The following PCLO variants were observed in gnomAD, a reference collection of about 807,000 sequenced individuals.
PCLO encodes protein piccolo.
Under a neutral mutation model 427.5 loss-of-function variants are expected in PCLO, and 82 were observed. That is an observed-to-expected ratio of 0.19 (90% CI 0.16 to 0.23). PCLO has a LOEUF of 0.23. Among genes scored for constraint, PCLO ranks in the 10% least tolerant of loss-of-function variants. The pLI, the probability that PCLO is intolerant of heterozygous loss-of-function variation, is 1.00. For missense variants in PCLO, 6,239 were observed against 6,115.9 expected, an observed-to-expected ratio of 1.02 and a Z score of -0.67; for synonymous variants, 2,357 against 2,155.4, an observed-to-expected ratio of 1.09 and a Z score of -2.59.
chr7:82,886,424 A>G (rs908075223), intron 9 of PCLO, among the ~76,000 whole-genome samples: 1 of 145,840 alleles, frequency 6.9e-6, no homozygotes, highest in Non-Finnish European at 1.6e-5. Flanking sequence ...TGGTATGCAT[A>G]TCTATATAGA....
intron 3 of PCLO, among the ~76,000 whole-genome samples, chr7:83,070,107 C>T (rs1326029575): frequency 6.6e-6 from 1 of 152,034 alleles, no homozygotes; most frequent in African/African-American, 2.4e-5. Flanking sequence ...CTCTCATGCA[C>T]GTGCTCTCTC....
intron 20 of PCLO, among the ~76,000 whole-genome samples, chr7:82,818,442 G>A (rs1377636655): frequency 1.3e-5 from 2 of 152,100 alleles, no homozygotes; most frequent in African/African-American, 4.8e-5. Context: ...TGCACAGTGG[G>A]AAGGCTTCCT....
chr7:82,763,782 T>C (rs775933921), intron 22 of PCLO, among the ~76,000 whole-genome samples: 6 of 152,068 alleles, frequency 3.9e-5, no homozygotes, highest in Non-Finnish European at 7.4e-5. Context: ...AGTTAAATAA[T>C]AATTCATGAG....
At chr7:83,133,665 A>G (rs755946699) in intron 3 of PCLO, among the ~76,000 whole-genome samples, 3 of 152,064 alleles carry the variant, frequency 2.0e-5, no homozygotes, top group Non-Finnish European at 2.9e-5. Flanking sequence ...ACAGAATTAT[A>G]AAAAGCCTAA....
chr7:83,032,940 T>C (rs1035394253), intron 3 of PCLO, among the ~76,000 whole-genome samples: 3 of 152,228 alleles, frequency 2.0e-5, no homozygotes, highest in African/African-American at 7.2e-5. Flanking sequence ...GGAAGGGACC[T>C]GGGGAGAAGT....
chr7:82,955,542 C>A lies in PCLO; in HGVS notation c.5411G>T (p.Ser1804Ile). The A allele has an allele frequency of 6.2e-7, 1 of 1,613,942 alleles. No homozygotes were observed. The highest frequency in any genetic ancestry group is 8.5e-7 in the Non-Finnish European group (1 of 1,179,858). ...EIEQQQRKSS[S>I]KKSKKDKDEL... is the part of the protein sequence containing the mutation. ...ATCTTTGTCTTTCTTTGATTTTTTA[C>A]TAGAACTCTTTCTTTGTTGCTGTTC... Residue 1804 changes from serine to isoleucine, a missense_variant, in exon 5 of 25, where the codon AGT (serine) becomes ATT (isoleucine). This residue lies in a region of PCLO where 4,677 missense variants were observed against 4,468.4 expected (regional missense o/e 1.05). Coordinates refer to ENST00000333891, the MANE Select transcript of PCLO (RefSeq NM_033026.6).
At chr7:82,794,382 GT>G (rs910386310) in intron 22 of PCLO, among the ~76,000 whole-genome samples, 65 of 134,592 alleles carry the variant, frequency 4.8e-4, no homozygotes, top group African/African-American at 1.6e-3. Flanking sequence ...ATAATTATAA[GT>G]TTTTTTGTTG....
intron 3 of PCLO, among the ~76,000 whole-genome samples, chr7:83,070,982 T>C (rs1029001967): frequency 6.6e-6 from 1 of 152,002 alleles, no homozygotes; most frequent in Admixed American, 6.6e-5. Context: ...ATTGCTGATA[T>C]TTATGTTTTA....
chr7:82,899,733 G>C (rs1239347821), intron 9 of PCLO, among the ~76,000 whole-genome samples: 1 of 151,482 alleles, frequency 6.6e-6, no homozygotes, highest in Non-Finnish European at 1.5e-5. Flanking sequence ...ATTTACTAAA[G>C]AGCTGGCATT....
At chr7:82,945,504 A>C (rs140859777) in intron 6 of PCLO, among the ~76,000 whole-genome samples, 187 of 152,334 alleles carry the variant, frequency 1.2e-3, no homozygotes, top group African/African-American at 4.4e-3. Context: ...TGAGGTCATT[A>C]GAGTAGGCCT....
intron 22 of PCLO, among the ~76,000 whole-genome samples, chr7:82,778,589 G>T (rs1790804576): frequency 6.6e-6 from 1 of 152,094 alleles, no homozygotes; most frequent in Non-Finnish European, 1.5e-5. Flanking sequence ...CCATCAGATA[G>T]ATATTTATTT....
rs946907747 is a variant in PCLO at position 83,162,847 on chromosome 7, C to T, written c.-255G>A. On this transcript the variant is annotated 5_prime_UTR_variant, in exon 1 of 25. Transcript: ENST00000333891. Reference sequence around the variant, plus strand: ...ACCTTTGCAGAAGACACCTCCCGGACGCCGCCTCGGCGCCCCGAGCCGGGG... The same window carrying T: ...ACCTTTGCAGAAGACACCTCCCGGATGCCGCCTCGGCGCCCCGAGCCGGGG... 9.6e-6 allele frequency: 5 copies of T among 521,452 alleles called. No individual in the cohort carries two copies. The highest frequency in any genetic ancestry group is 1.7e-5 in the Non-Finnish European group (5 of 300,820). The allele number at this position is 521,452 out of a possible 1,614,324, so 32.3% of individuals were successfully genotyped here. A position where few individuals can be genotyped will look rare whatever the true frequency, so the allele number is the denominator to read the frequency against.
At chr7:82,853,372 T>C (rs551665062) in intron 10 of PCLO, among the ~76,000 whole-genome samples, 1 of 152,192 alleles carries the variant, frequency 6.6e-6, no homozygotes, top group Admixed American at 6.5e-5. Flanking sequence ...GTTTCCCTGA[T>C]GTACATGAGT....
chr7:82,858,315 C>A (rs1792859783), intron 10 of PCLO, among the ~76,000 whole-genome samples: 1 of 152,102 alleles, frequency 6.6e-6, no homozygotes, highest in African/African-American at 2.4e-5. Context: ...AAGGAATATA[C>A]CTCAAAATGT....
At chr7:82,871,458 G>A (rs1187276172) in intron 10 of PCLO, among the ~76,000 whole-genome samples, 2 of 152,038 alleles carry the variant, frequency 1.3e-5, no homozygotes, top group East Asian at 1.9e-4. Context: ...GGAATGGGTG[G>A]TGTGGAGGGG....
At chr7:82,801,348 T>C (rs909262953) in intron 22 of PCLO, among the ~76,000 whole-genome samples, 170 bp downstream of exon 22, 1 of 151,736 alleles carries the variant, frequency 6.6e-6, no homozygotes, top group African/African-American at 2.4e-5. Flanking sequence ...ATTGGGGAAT[T>C]GTAAAATGAA....
intron 3 of PCLO, among the ~76,000 whole-genome samples, chr7:82,984,314 AATT>A (rs1431569417): frequency 6.6e-6 from 1 of 151,800 alleles, no homozygotes; most frequent in Non-Finnish European, 1.5e-5. Context: ...TCTCATTAAC[AATT>A]ATTATCTTGA....
intron 3 of PCLO, among the ~76,000 whole-genome samples, chr7:83,086,580 T>G (rs879321288): frequency 6.6e-6 from 1 of 152,178 alleles, no homozygotes; most frequent in East Asian, 1.9e-4. Context: ...TACGATGATT[T>G]AGGAGAACGA....
chr7:83,135,388 T>C lies in PCLO; in HGVS notation c.2162A>G (p.Lys721Arg), dbSNP rs979569443. ...TLHGSPSAKAKQPPEADSLSK... is the reference protein window; with the variant it reads ...TLHGSPSAKARQPPEADSLSK... ...CAAAGAATCTGCCTCAGGGGGCTGC[T>C]TGGCCTTGGCTGAAGGAGAGCCATG... The change falls in exon 3 of 25, where the codon AAG becomes AGG. Residue 721 changes from lysine to arginine, a missense_variant. Lys to Arg is a conservative substitution (Grantham distance 26). Transcript: ENST00000333891. The C allele has an allele frequency of 2.0e-5, 33 of 1,613,842 alleles. No homozygotes were observed. In the African/African-American group the frequency reaches 4.3e-4, roughly 21 times the overall value.
Sources: gnomAD v4.1 joint callset for allele counts (sites outside exome capture counted in the v4.1 genomes callset) on GRCh38, gnomAD v4.1.1 for gene constraint, gnomAD v4.1.1 regional missense constraint, MANE v1.5 for transcripts, NCBI Gene and HGNC (gene_info 2026-07-23, HGNC 2026-07-21) for gene names.